The following KIF15 variants were observed in gnomAD, a reference collection of about 807,000 sequenced individuals.
The protein encoded by KIF15 is kinesin-like protein KIF15.
Under a neutral mutation model 190.6 loss-of-function variants are expected in KIF15, and 140 were observed. The observed-to-expected ratio is 0.73, with a 90% CI of 0.64 to 0.84. The LOEUF (loss-of-function observed/expected upper bound fraction) is 0.84, where lower values mean the gene tolerates loss of function less well. KIF15 is among the 40% of genes least tolerant of loss of function. The pLI is 0.00. For synonymous variants in KIF15, 528 were observed against 551.3 expected, an observed-to-expected ratio of 0.96 and a Z score of 0.59; for missense variants, 1,372 against 1,584.4, an observed-to-expected ratio of 0.87 and a Z score of 2.28.
chr3:44,828,096 G>A, intron 23 of KIF15, 118 bp from the exon 24 acceptor site: 1 of 649,486 alleles, frequency 1.5e-6, no homozygotes, highest in Non-Finnish European at 2.7e-6. Context: ...TCATTTTCAA[G>A]TATTACTCCT....
intron 26 of KIF15, among the ~76,000 whole-genome samples, chr3:44,833,009 C>CAAAAAAAA (rs11339810): frequency 1.2e-5 from 1 of 85,210 alleles, no homozygotes; most frequent in African/African-American, 4.0e-5. Context: ...GACTCCATCT[C>CAAAAAAAA]AAAAAAAAAA....
At chr3:44,775,993 T>A (rs184179570) in intron 3 of KIF15, among the ~76,000 whole-genome samples, 78 of 150,400 alleles carry the variant, frequency 5.2e-4, no homozygotes, top group Admixed American at 2.3e-3. Flanking sequence ...GGCAAGAGAA[T>A]GGCATGAACC....
intron 30 of KIF15, among the ~76,000 whole-genome samples, chr3:44,847,507 G>T (rs776752262): frequency 5.3e-5 from 8 of 152,156 alleles, no homozygotes; most frequent in Non-Finnish European, 1.0e-4. Flanking sequence ...GTGGTTATCA[G>T]AAAATGCCAA....
chr3:44,807,066 A>C (rs1004061417), intron 16 of KIF15, among the ~76,000 whole-genome samples: 55 of 152,294 alleles, frequency 3.6e-4, no homozygotes, highest in African/African-American at 1.2e-3. Flanking sequence ...AATAAAAGAA[A>C]GAAATAGAGA....
chr3:44,794,543 T>A, intron 8 of KIF15, 117 bp downstream of exon 8: 1 of 732,868 alleles, frequency 1.4e-6, no homozygotes, highest in East Asian at 2.7e-5. Context: ...TGGGGGTCCC[T>A]TAAGAGTATA....
intron 22 of KIF15, 32 bp from the exon 23 acceptor site, chr3:44,827,427 G>T: frequency 6.8e-7 from 1 of 1,460,894 alleles, no homozygotes; most frequent in Non-Finnish European, 9.6e-7. Flanking sequence ...ATTGAGTGAA[G>T]TCAGGGGTAA....
At chr3:44,766,477 C>T (rs1705379354) in intron 1 of KIF15, among the ~76,000 whole-genome samples, 1 of 152,124 alleles carries the variant, frequency 6.6e-6, no homozygotes, top group African/African-American at 2.4e-5. Context: ...AAGGGAGAGC[C>T]CTCACCTCTC....
rs1272320652 is a variant in KIF15, at chr3:44,826,409, G to A, written c.2735G>A (p.Arg912His). Residue 912 changes from arginine to histidine, a missense_variant, in exon 22 of 35, where the codon CGC (arginine) becomes CAC (histidine). By Grantham distance (29) the Arg-to-His change is conservative. Transcript: ENST00000326047. ...GAGCTTCTTGAGGCAGAAAAAGAAC[G>A]CAATAACAAATTATCATTACAGTTT... The part of the protein sequence containing the change: ...LMELLEAEKE[R>H]NNKLSLQFEE... The A allele has an allele frequency of 3.7e-6, 6 of 1,612,612 alleles. No individual in the cohort carries two copies. In the African/African-American group the frequency reaches 4.0e-5, roughly 11 times the overall value.
rs1358968139 is a variant in KIF15 at position 44,852,838 on chromosome 3, C to A, written c.*103C>A. The A allele has an allele frequency of 4.7e-6, 4 of 850,268 alleles. No individual in the cohort carries two copies. Among genetic ancestry groups the A allele is most frequent in the Non-Finnish European group, 7.3e-6 (4 of 548,230 alleles). The allele number at this position is 850,268 out of a possible 1,614,324, so 52.7% of individuals were successfully genotyped here. On this transcript the variant is annotated 3_prime_UTR_variant, in exon 35 of 35. Transcript: ENST00000326047. ...CACTTAGGAGAGCTGAATTTATGGA[C>A]CTTAATTATTAAATGTTTATAAGGT...
At chr3:44,831,754 C>G (rs942447494) in intron 26 of KIF15, among the ~76,000 whole-genome samples, 4 of 152,136 alleles carry the variant, frequency 2.6e-5, no homozygotes, top group Non-Finnish European at 4.4e-5. Context: ...CCAGCCCTTC[C>G]TATTCCTCAG....
chr3:44,798,472 G>A (rs573415496), intron 10 of KIF15, among the ~76,000 whole-genome samples: 5 of 151,964 alleles, frequency 3.3e-5, no homozygotes, highest in East Asian at 3.9e-4. Flanking sequence ...CACCACGCCC[G>A]GCTAATTTTT....
At position 44,826,536 on chromosome 3, in the gene KIF15, T is replaced by G. The variant is rs1021312761; in HGVS notation, c.2786+76T>G. On this transcript the variant is annotated intron_variant, in intron 22 of 34. Coordinates refer to ENST00000326047, the MANE Select transcript of KIF15 (RefSeq NM_020242.3). ...CACATTCTTAATCTTGTTTTTTTTTTATTGCCAATACCCTGTAAAGAGTTA... is the reference window on the plus strand; with the variant it reads ...CACATTCTTAATCTTGTTTTTTTTTGATTGCCAATACCCTGTAAAGAGTTA... 1.1e-4 allele frequency: 106 copies of G among 998,894 alleles called. 1 individual carries two copies. The highest frequency in any genetic ancestry group is 2.4e-5 in the Non-Finnish European group (16 of 675,458). 61.9% of individuals were successfully genotyped at this position (998,894 alleles called of 1,614,324 possible).
At chr3:44,815,314 T>C (rs754774517) in intron 20 of KIF15, among the ~76,000 whole-genome samples, 2 of 152,232 alleles carry the variant, frequency 1.3e-5, no homozygotes, top group Non-Finnish European at 2.9e-5. Context: ...TATGTGTTGC[T>C]CTTATTCCCT....
At chr3:44,820,929 G>A (rs1368206299) in intron 20 of KIF15, among the ~76,000 whole-genome samples, 2 of 151,980 alleles carry the variant, frequency 1.3e-5, no homozygotes, top group Admixed American at 6.5e-5. Context: ...AGGGGCGGCC[G>A]GGCAGAGGCG....
intron 1 of KIF15, among the ~76,000 whole-genome samples, chr3:44,767,438 T>C (rs987859847): frequency 6.6e-6 from 1 of 152,212 alleles, no homozygotes; most frequent in African/African-American, 2.4e-5. Flanking sequence ...GATGACTATA[T>C]GGTTTTTGGC....
intron 22 of KIF15, chr3:44,827,120 G>C (rs780883710): frequency 2.3e-6 from 1 of 436,884 alleles, no homozygotes; most frequent in Non-Finnish European, 4.6e-6. Flanking sequence ...GTGAATTCCA[G>C]AACATTTAGA....
At chr3:44,777,481 C>T (rs1015984501) in intron 3 of KIF15, among the ~76,000 whole-genome samples, 12 of 152,134 alleles carry the variant, frequency 7.9e-5, no homozygotes, top group African/African-American at 2.6e-4. Context: ...ATCACGAGGT[C>T]AGGAGTTTGA....
chr3:44,861,646 C>T (rs1375848953), intron 6 of KIF15, among the ~76,000 whole-genome samples: 5 of 152,228 alleles, frequency 3.3e-5, no homozygotes. Flanking sequence ...AGAAGTTTAC[C>T]TTCTACCACA....
intron 26 of KIF15, among the ~76,000 whole-genome samples, chr3:44,834,327 A>G (rs191784270): frequency 6.6e-6 from 1 of 152,352 alleles, no homozygotes; most frequent in Admixed American, 6.5e-5. Flanking sequence ...GGATACAAAT[A>G]TCATAAAAAC....
Sources: allele counts gnomAD v4.1 joint callset (sites outside exome capture counted in the v4.1 genomes callset), GRCh38; gene constraint gnomAD v4.1.1; transcripts MANE v1.5; gene names NCBI Gene and HGNC (gene_info 2026-07-23, HGNC 2026-07-21).